OTULIN: variants seen among roughly 807,000 people sequenced by gnomAD.
OTULIN encodes OTU deubiquitinase with linear linkage specificity, also known as ubiquitin thioesterase otulin.
In OTULIN, 15 loss-of-function variants were observed where a neutral mutation model predicts 39.6. That is an observed-to-expected ratio of 0.38 (90% confidence interval 0.25 to 0.58). OTULIN has a LOEUF of 0.58. Among genes scored for constraint, OTULIN ranks in the 20% least tolerant of loss-of-function variants. The pLI, the probability that OTULIN is intolerant of heterozygous loss-of-function variation, is 0.66. For missense variants in OTULIN, 319 were observed against 445.9 expected (o/e 0.72, Z 2.56); for synonymous variants, 156 against 170.3 (o/e 0.92, Z 0.65).
At chr5:14,682,493 TA>T (rs899031561) in intron 4 of OTULIN, among the ~76,000 whole-genome samples, 24 of 149,500 alleles carry the variant, frequency 1.6e-4, no homozygotes, top group African/African-American at 2.2e-4. Flanking sequence ...ATTTTTAAAT[TA>T]AAAAAAAAAT....
At chr5:14,688,686 A>G (rs1736447970) in intron 5 of OTULIN, among the ~76,000 whole-genome samples, 1 of 152,208 alleles carries the variant, frequency 6.6e-6, no homozygotes, top group South Asian at 2.1e-4. Flanking sequence ...GGAGCAAAAG[A>G]AGGGAAGAGG....
chr5:14,700,680 T>G (rs1736779148), downstream of OTULIN, among the ~76,000 whole-genome samples: 1 of 130,770 alleles, frequency 7.6e-6, no homozygotes, highest in Admixed American at 7.9e-5. Flanking sequence ...CCCTCCCCTC[T>G]GCAGCCCTCC....
the OTULIN span, chr5:14,705,926 G>A: frequency 6.6e-6 from 1 of 152,092 alleles, no homozygotes; most frequent in Non-Finnish European, 1.5e-5. Context: ...TTCCCCTAAT[G>A]TTCCCCAACT....
intron 1 of OTULIN, among the ~76,000 whole-genome samples, chr5:14,667,084 A>G (rs756292065): frequency 6.6e-6 from 1 of 152,204 alleles, no homozygotes; most frequent in African/African-American, 2.4e-5. Flanking sequence ...AAATGTTTAC[A>G]CTTAGAAGTG....
intron 4 of OTULIN, among the ~76,000 whole-genome samples, chr5:14,682,285 A>G (rs1021561769): frequency 6.6e-6 from 1 of 152,184 alleles, no homozygotes; most frequent in Non-Finnish European, 1.5e-5. Flanking sequence ...CCATATAACA[A>G]ATCTGCACAT....
chr5:14,678,671 T>C lies in OTULIN; in HGVS notation c.230-10T>C. 1 of 1,551,160 alleles carries C rather than the reference T, an allele frequency of 6.4e-7. No individual in the cohort carries two copies. The highest frequency in any genetic ancestry group is 8.7e-7 in the Non-Finnish European group (1 of 1,150,684). ...TTATTTGCTTTTTTTTTTTTTAAATTCTTTAACAGAACCGAGATTAAGCGT... is the reference window on the plus strand; with the variant it reads ...TTATTTGCTTTTTTTTTTTTTAAATCCTTTAACAGAACCGAGATTAAGCGT... On this transcript the variant is annotated splice_polypyrimidine_tract_variant and intron_variant, in intron 2 of 6. Coordinates refer to ENST00000284274, the MANE Select transcript of OTULIN (RefSeq NM_138348.6).
chr5:14,666,046 C>G (rs1353943056), intron 1 of OTULIN, among the ~76,000 whole-genome samples: 1 of 152,194 alleles, frequency 6.6e-6, no homozygotes, highest in Non-Finnish European at 1.5e-5. Context: ...AATAGAGGGT[C>G]TCTTGCCCCC....
chr5:14,712,849 G>A, the OTULIN span: 1 of 1,577,200 alleles, frequency 6.3e-7, no homozygotes, highest in Admixed American at 1.8e-5. Flanking sequence ...CACCCGGGAG[G>A]AGGCTCCCGG....
downstream of OTULIN, among the ~76,000 whole-genome samples, chr5:14,701,481 C>T (rs1427882750): frequency 6.6e-6 from 1 of 152,134 alleles, no homozygotes; most frequent in African/African-American, 2.4e-5. Flanking sequence ...ATGGGTGAGT[C>T]AGACACCAGC....
the OTULIN span, chr5:14,711,360 ACAG>A: frequency 2.0e-6 from 3 of 1,498,712 alleles, no homozygotes; most frequent in South Asian, 2.3e-5. Context: ...GGGACACTGC[ACAG>A]CAGAACCACG....
At chr5:14,714,146 C>T in the OTULIN span, among the ~76,000 whole-genome samples, 182 of 152,344 alleles carry the variant, frequency 1.2e-3, no homozygotes, top group Non-Finnish European at 2.3e-3. Context: ...GGAAGCTGCT[C>T]GTCCCCACTT....
At chr5:14,711,184 G>A in the OTULIN span, 3 of 1,603,392 alleles carry the variant, frequency 1.9e-6, no homozygotes, top group African/African-American at 1.3e-5. Flanking sequence ...CAGTGCCCAT[G>A]GCGTCCCGTG....
chr5:14,705,233 G>A, the OTULIN span: 1 of 151,834 alleles, frequency 6.6e-6, no homozygotes, highest in Non-Finnish European at 1.5e-5. Flanking sequence ...CCTATGGGCT[G>A]ACAGCCACAG....
chr5:14,677,192 A>G (rs150341459), intron 2 of OTULIN, among the ~76,000 whole-genome samples: 794 of 152,204 alleles, frequency 5.2e-3, no homozygotes, highest in Non-Finnish European at 8.5e-3. Flanking sequence ...TTGTGCTCCT[A>G]ATCATCCTGG....
chr5:14,716,271 G>A, the OTULIN span, among the ~76,000 whole-genome samples: 2 of 152,160 alleles, frequency 1.3e-5, no homozygotes, highest in African/African-American at 2.4e-5. Flanking sequence ...CCGAGGAGGA[G>A]CACTTGAGGC....
At chr5:14,713,757 C>G in the OTULIN span, 1 of 1,584,766 alleles carries the variant, frequency 6.3e-7, no homozygotes, top group Non-Finnish European at 8.6e-7. The surrounding 1 kb of genome is among the most constrained non-coding windows in gnomAD (Gnocchi z 4.4). Flanking sequence ...ATCCGAGAGC[C>G]AGGGGCTGCC....
chr5:14,703,185 G>A (rs544891005), downstream of OTULIN, among the ~76,000 whole-genome samples: 1 of 152,226 alleles, frequency 6.6e-6, no homozygotes, highest in African/African-American at 2.4e-5. Flanking sequence ...TTAAAGCCCA[G>A]TGTATTGAAC....
At chr5:14,683,978 ATG>A (rs1190775925) in intron 4 of OTULIN, among the ~76,000 whole-genome samples, 3 of 152,202 alleles carry the variant, frequency 2.0e-5, no homozygotes, top group Non-Finnish European at 4.4e-5. Flanking sequence ...AATATGTTGC[ATG>A]TGTGAGTGAT....
the OTULIN span, chr5:14,706,403 TTTTCAAAAATGA>T: frequency 6.6e-6 from 1 of 152,216 alleles, no homozygotes; most frequent in Non-Finnish European, 1.5e-5. Context: ...TGACAGAGGT[TTTTCAAAAATGA>T]TTTAGGAGGC....
Sources: gnomAD v4.1 joint callset for allele counts (sites outside exome capture counted in the v4.1 genomes callset) on GRCh38, gnomAD v4.1.1 for gene constraint, Gnocchi (gnomAD v3.1) non-coding constraint, MANE v1.5 for transcripts, NCBI Gene and HGNC (gene_info 2026-07-23, HGNC 2026-07-21) for gene names.